Variants in PPP4R3A observed in about 807,000 individuals in gnomAD.
The protein encoded by PPP4R3A is serine/threonine-protein phosphatase 4 regulatory subunit 3A.
PPP4R3A carries 15 observed loss-of-function variants against 91.7 expected under a neutral mutation model. The ratio of observed to expected loss-of-function variants is 0.16; its 90% CI spans 0.11 to 0.25. The LOEUF is 0.25. Among genes scored for constraint, PPP4R3A ranks in the 10% least tolerant of loss-of-function variants. The pLI is 1.00. For missense variants in PPP4R3A, 623 were observed against 998.4 expected (o/e 0.62, Z 5.07); for synonymous variants, 377 against 348.7 (o/e 1.08, Z -0.91).
chr14:91,472,868 T>C (rs1298646889), intron 9 of PPP4R3A, among the ~76,000 whole-genome samples, 165 bp downstream of exon 9: 3 of 129,730 alleles, frequency 2.3e-5, no homozygotes, highest in African/African-American at 8.3e-5. Context: ...AAGACCTCTA[T>C]GTTAACCTGA....
At chr14:91,483,088 T>C (rs984943476) in intron 3 of PPP4R3A, among the ~76,000 whole-genome samples, 8 of 152,188 alleles carry the variant, frequency 5.3e-5, no homozygotes, top group African/African-American at 9.7e-5. Flanking sequence ...AGGTAACTTA[T>C]ATTGACTACA....
intron 1 of PPP4R3A, among the ~76,000 whole-genome samples, chr14:91,498,047 A>G (rs544342034): frequency 2.0e-4 from 30 of 152,308 alleles, no homozygotes; most frequent in African/African-American, 7.2e-4. Context: ...GCAATTTGTA[A>G]AAGTAGGCCA....
intron 1 of PPP4R3A, among the ~76,000 whole-genome samples, chr14:91,507,394 T>TATACTATAATTATATACTATATA (rs1566660222): frequency 1.2e-4 from 7 of 59,664 alleles, no homozygotes; most frequent in African/African-American, 3.1e-4. Flanking sequence ...ATATAGTATA[T>TATACTATAATTATATACTATATA]GTACTATAAT....
At chr14:91,494,982 T>A (rs1380101054) in intron 1 of PPP4R3A, among the ~76,000 whole-genome samples, 2 of 152,178 alleles carry the variant, frequency 1.3e-5, no homozygotes, top group Admixed American at 1.3e-4. Flanking sequence ...GGAAGCTTCA[T>A]ACATTGCTTC....
chr14:91,491,092 A>G (rs1890210953), intron 1 of PPP4R3A, among the ~76,000 whole-genome samples: 1 of 151,688 alleles, frequency 6.6e-6, no homozygotes, highest in South Asian at 2.1e-4. Context: ...TTTTTAGTAG[A>G]GACGGGGTTT....
intron 14 of PPP4R3A, 146 bp downstream of exon 14, chr14:91,461,235 T>C: frequency 1.4e-6 from 1 of 699,876 alleles, no homozygotes; most frequent in Non-Finnish European, 2.4e-6. Flanking sequence ...TTATATAAGT[T>C]CAAGCGGTGG....
intron 4 of PPP4R3A, 108 bp from the exon 5 acceptor site, chr14:91,477,094 G>A (rs1889260030): frequency 2.8e-6 from 2 of 706,574 alleles, no homozygotes; most frequent in South Asian, 5.0e-5. Flanking sequence ...AGGAAAGGTG[G>A]TATTGGCAAT....
At chr14:91,464,178 G>A (rs1008671416) in intron 11 of PPP4R3A, among the ~76,000 whole-genome samples, 6 of 152,066 alleles carry the variant, frequency 3.9e-5, no homozygotes, top group Admixed American at 1.3e-4. Context: ...AAAATTAGTC[G>A]GGTATGGTGG....
chr14:91,503,337 TG>T (rs1891077085), intron 1 of PPP4R3A, among the ~76,000 whole-genome samples: 1 of 151,838 alleles, frequency 6.6e-6, no homozygotes. Flanking sequence ...TCAGCCAGGC[TG>T]GAGTAGTGGC....
At chr14:91,493,597 A>T (rs1328128798) in intron 1 of PPP4R3A, among the ~76,000 whole-genome samples, 6 of 149,932 alleles carry the variant, frequency 4.0e-5, no homozygotes, top group Admixed American at 4.0e-4. Flanking sequence ...CTGGTCTCAT[A>T]TATAGGATGG....
At chr14:91,499,284 T>C (rs1387135462) in intron 1 of PPP4R3A, among the ~76,000 whole-genome samples, 1 of 150,256 alleles carries the variant, frequency 6.7e-6, no homozygotes, top group Non-Finnish European at 1.5e-5. Flanking sequence ...AAATAAAATA[T>C]AAAAATGAAA....
intron 3 of PPP4R3A, among the ~76,000 whole-genome samples, chr14:91,483,018 A>G (rs891987576): frequency 6.6e-6 from 1 of 152,228 alleles, no homozygotes. Context: ...TCCCTCTAGG[A>G]GCCTGAAAAT....
chr14:91,458,749 G>T lies in PPP4R3A; in HGVS notation c.*10C>A. ...TTTCAACAGGTACTGATCCTAGGCC[G>T]TTGCCATTATTATGAATCAAATTTT... On this transcript the variant is annotated 3_prime_UTR_variant, in exon 15 of 15. Coordinates refer to ENST00000554943, the MANE Select transcript of PPP4R3A (RefSeq NM_001366432.2). The T allele has an allele frequency of 1.2e-6, 2 of 1,613,942 alleles. No individual in the cohort carries two copies. Among genetic ancestry groups the T allele is most frequent in the Non-Finnish European group, 1.7e-6 (2 of 1,179,926 alleles).
chr14:91,487,231 CAG>C (rs1177113121), intron 2 of PPP4R3A, among the ~76,000 whole-genome samples: 1 of 113,352 alleles, frequency 8.8e-6, no homozygotes, highest in African/African-American at 3.5e-5. Flanking sequence ...GCCTGGGTGA[CAG>C]AGTGAGAGTC....
At chr14:91,470,628 T>C (rs771251695) in intron 10 of PPP4R3A, among the ~76,000 whole-genome samples, 2 of 152,162 alleles carry the variant, frequency 1.3e-5, no homozygotes, top group Non-Finnish European at 2.9e-5. Context: ...ACACTGTAGA[T>C]ACATTCTACT....
intron 1 of PPP4R3A, among the ~76,000 whole-genome samples, chr14:91,505,361 A>T (rs1891228199): frequency 6.6e-6 from 1 of 152,000 alleles, no homozygotes; most frequent in Non-Finnish European, 1.5e-5. Context: ...GAAGCATGAG[A>T]ATCCCTTGAA....
At chr14:91,470,803 A>G (rs375256645) in intron 10 of PPP4R3A, 34 bp downstream of exon 10, 7 of 1,589,414 alleles carry the variant, frequency 4.4e-6, no homozygotes, top group East Asian at 4.5e-5. Flanking sequence ...CAACATGTCA[A>G]TATACAAAGA....
intron 10 of PPP4R3A, chr14:91,466,191 T>C: frequency 1.0e-6 from 1 of 980,740 alleles, no homozygotes; most frequent in Non-Finnish European, 1.2e-6. Context: ...CAAAGCCCTC[T>C]TTACCTAAAT....
intron 10 of PPP4R3A, among the ~76,000 whole-genome samples, chr14:91,466,906 T>G (rs1888502836): frequency 6.7e-6 from 1 of 150,208 alleles, no homozygotes. Context: ...GTACTCCAAC[T>G]TTGCGGGCTT....
Sources: allele counts gnomAD v4.1 joint callset (sites outside exome capture counted in the v4.1 genomes callset), GRCh38; gene constraint gnomAD v4.1.1; transcripts MANE v1.5; gene names NCBI Gene and HGNC (gene_info 2026-07-23, HGNC 2026-07-21).